The following WNK2 variants were observed in gnomAD, a reference collection of about 807,000 sequenced individuals.
WNK2 encodes the protein WNK lysine deficient protein kinase 2, also known as serine/threonine-protein kinase WNK2.
In WNK2, 67 loss-of-function variants were observed where a neutral mutation model predicts 192.1. That is an observed-to-expected ratio of 0.35 (90% CI 0.29 to 0.43). The LOEUF (loss-of-function observed/expected upper bound fraction) is 0.43. Ranked by LOEUF, WNK2 falls within the 20% of genes least tolerant of loss-of-function variation. WNK2 has a pLI of 1.00. For missense variants in WNK2, 2,698 were observed against 3,089.7 expected (o/e 0.87, Z 3.01); for synonymous variants, 1,439 against 1,393.9 (o/e 1.03, Z -0.72).
chr9:93,195,735 A>G (rs960109127), intron 2 of WNK2, among the ~76,000 whole-genome samples: 1 of 140,798 alleles, frequency 7.1e-6, no homozygotes, highest in African/African-American at 2.6e-5. Context: ...GATGTTGCTG[A>G]AAAAAAATAT....
chr9:93,235,005 A>C, intron 5 of WNK2, 40 bp downstream of exon 5: 1 of 1,611,562 alleles, frequency 6.2e-7, no homozygotes, highest in East Asian at 2.2e-5. Context: ...ATAAGGACAC[A>C]GAGGCCTTGG....
At chr9:93,291,230 G>C (rs1452154245) in intron 21 of WNK2, among the ~76,000 whole-genome samples, 8 of 152,170 alleles carry the variant, frequency 5.3e-5, no homozygotes, top group Non-Finnish European at 1.5e-5. Context: ...TGCCTGTGGC[G>C]CTCCACGGAC....
chr9:93,263,792 GT>G, intron 15 of WNK2, 58 bp downstream of exon 15: 1 of 317,566 alleles, frequency 3.1e-6, no homozygotes. Flanking sequence ...TGGGGGTGTG[GT>G]GGGGGTGGGG....
intron 2 of WNK2, among the ~76,000 whole-genome samples, chr9:93,216,118 A>G (rs1835697882): frequency 6.6e-6 from 1 of 152,174 alleles, no homozygotes; most frequent in Non-Finnish European, 1.5e-5. Context: ...GGAAGGGCTA[A>G]TCTGAAAGCC....
At chr9:93,295,819 CCTCTCCATCCTCAACTCACTTTCCTCCT>C in intron 23 of WNK2, among the ~76,000 whole-genome samples, 2 of 148,020 alleles carry the variant, frequency 1.4e-5, no homozygotes, top group Admixed American at 6.7e-5. Flanking sequence ...ACTTTCCTCC[CCTCTCCATCCTCAACTCACTTTCCTCCT>C]CTCTCCATCC....
chr9:93,244,586 G>A (rs1049030581), intron 7 of WNK2, among the ~76,000 whole-genome samples: 9 of 152,252 alleles, frequency 5.9e-5, no homozygotes, highest in African/African-American at 1.9e-4. Context: ...GCAGGAGGAC[G>A]TGGCCTTGGC....
At chr9:93,234,269 ACT>A (rs1486956811) in intron 4 of WNK2, among the ~76,000 whole-genome samples, 1 of 152,200 alleles carries the variant, frequency 6.6e-6, no homozygotes, top group African/African-American at 2.4e-5. Flanking sequence ...ATTCAGGGAC[ACT>A]GTCTTCAGTG....
intron 2 of WNK2, among the ~76,000 whole-genome samples, chr9:93,208,848 T>C (rs1457267492): frequency 2.1e-5 from 1 of 48,020 alleles, no homozygotes; most frequent in Admixed American, 2.4e-4. Flanking sequence ...TGTGAATGCA[T>C]GTGTCTTCCG....
At chr9:93,261,438 A>G (rs1588264040) in intron 12 of WNK2, among the ~76,000 whole-genome samples, 1 of 152,168 alleles carries the variant, frequency 6.6e-6, no homozygotes, top group South Asian at 2.1e-4. Context: ...GGCCCTATGC[A>G]CACTCTGACC....
At chr9:93,203,346 G>A (rs754188261) in intron 2 of WNK2, among the ~76,000 whole-genome samples, 6 of 151,934 alleles carry the variant, frequency 3.9e-5, no homozygotes, top group Non-Finnish European at 7.4e-5. Flanking sequence ...GGTGGTAGCA[G>A]AGGATGCAGA....
Position 93,231,215 on chromosome 9 carries a change from T to C in WNK2, c.1075+107T>C, listed in dbSNP as rs56273519. 10,902 of 1,118,940 alleles carry C rather than the reference T, an allele frequency of 9.7e-3. 99 individuals carry two copies. The highest frequency in any genetic ancestry group is 0.01 in the Non-Finnish European group (7,979 of 761,666). The allele number at this position is 1,118,940 out of a possible 1,614,324, so 69.3% of individuals were successfully genotyped here. A position where few individuals can be genotyped will look rare whatever the true frequency, so the allele number is the denominator to read the frequency against. ...TTCAGACCTGGTGCAGGAGACCCAG[T>C]GGGAGGAGCGTCTGGGCACGGGAGC... On this transcript the variant is annotated intron_variant, in intron 4 of 29. Transcript: ENST00000427277.
Position 93,185,250 on chromosome 9 carries a change from C to T in WNK2, c.321C>T (p.Ala107=). ...APAALVAQPG[A]PGAPADAGPE... is the part of the protein sequence containing the mutation. Reference sequence around the variant, plus strand: ...CAGCGCTGGTAGCGCAGCCGGGAGCCCCCGGAGCCCCCGCGGACGCCGGCC... The same window carrying T: ...CAGCGCTGGTAGCGCAGCCGGGAGCTCCCGGAGCCCCCGCGGACGCCGGCC... Residue 107 remains alanine, a synonymous_variant, in exon 2 of 30, where the codon GCC becomes GCT. Coordinates refer to ENST00000427277, the MANE Select transcript of WNK2 (RefSeq NM_006648.4). 1.6e-6 allele frequency: 2 copies of T among 1,248,560 alleles called. No homozygotes were observed. Among genetic ancestry groups the T allele is most frequent in the African/African-American group, 1.6e-5 (1 of 63,362 alleles). 77.3% of individuals were successfully genotyped at this position (1,248,560 alleles called of 1,614,324 possible). A position where few individuals can be genotyped will look rare whatever the true frequency, so the allele number is the denominator to read the frequency against.
chr9:93,221,983 A>G (rs1043058965), intron 2 of WNK2, among the ~76,000 whole-genome samples: 1 of 152,198 alleles, frequency 6.6e-6, no homozygotes, highest in African/African-American at 2.4e-5. Flanking sequence ...GGCATCTTTT[A>G]CAACTGTTTG....
chr9:93,271,829 C>G (rs1455406612), intron 19 of WNK2, among the ~76,000 whole-genome samples: 3 of 152,106 alleles, frequency 2.0e-5, no homozygotes, highest in Non-Finnish European at 2.9e-5. Context: ...TAAGCAGACC[C>G]CAAATAGGTT....
chr9:93,267,784 G>A lies in WNK2; in HGVS notation c.3735G>A (p.Thr1245=), dbSNP rs1588312085. 1.2e-6 allele frequency: 2 copies of A among 1,609,918 alleles called. No homozygotes were observed. The highest frequency in any genetic ancestry group is 1.7e-5 in the Admixed American group (1 of 59,492). Residue 1245 remains threonine, a synonymous_variant, in exon 17 of 30, where the codon ACG becomes ACA. Coordinates refer to ENST00000427277, the MANE Select transcript of WNK2 (RefSeq NM_006648.4). The part of the protein sequence containing the change: ...HDFILQAERE[T]FIEQMKDVMD... ...TTATCCTGCAGGCCGAGCGGGAAAC[G>A]TTCATCGAGCAGATGAAGGATGTCA...
intron 19 of WNK2, among the ~76,000 whole-genome samples, chr9:93,271,174 A>T (rs1845953649): frequency 6.6e-6 from 1 of 152,218 alleles, no homozygotes; most frequent in African/African-American, 2.4e-5. Context: ...TGAGATTAGT[A>T]CTGGGAAGGC....
At position 93,229,946 on chromosome 9, in the gene WNK2, G is replaced by T; in HGVS notation, c.854+78G>T. 6.5e-7 allele frequency: 1 copy of T among 1,533,468 alleles called. No individual in the cohort carries two copies. The highest frequency in any genetic ancestry group is 8.8e-7 in the Non-Finnish European group (1 of 1,137,444). 95.0% of individuals were successfully genotyped at this position (1,533,468 alleles called of 1,614,324 possible). Reference sequence around the variant, plus strand: ...ACCATAGCTGAGGGTGAGGTCTTGGGCTGCTGGGGTGGTCCTGGCTGGTGC... The same window carrying T: ...ACCATAGCTGAGGGTGAGGTCTTGGTCTGCTGGGGTGGTCCTGGCTGGTGC... On this transcript the variant is annotated intron_variant, in intron 3 of 29. Coordinates refer to ENST00000427277, the MANE Select transcript of WNK2 (RefSeq NM_006648.4). This position sits in a 1 kb window ranked among gnomAD's most constrained non-coding sequence, Gnocchi z 4.9.
intron 2 of WNK2, among the ~76,000 whole-genome samples, chr9:93,211,028 A>G (rs930227807): frequency 1.3e-5 from 2 of 149,582 alleles, no homozygotes; most frequent in African/African-American, 4.9e-5. Context: ...TTCACTCACT[A>G]TACATTCACT....
Position 93,184,992 on chromosome 9 carries a change from G to T in WNK2, c.63G>T (p.Ala21=). Residue 21 remains alanine, a synonymous_variant, in exon 2 of 30, where the codon GCG becomes GCT. Transcript: ENST00000427277. ...PGTLMEPGRG[A]GPAGMAEPRA... Reference sequence around the variant, plus strand: ...CGCTGATGGAGCCCGGGCGCGGCGCGGGGCCCGCGGGCATGGCGGAGCCTC... The same window carrying T: ...CGCTGATGGAGCCCGGGCGCGGCGCTGGGCCCGCGGGCATGGCGGAGCCTC... 3 of 1,240,840 alleles carry T rather than the reference G, an allele frequency of 2.4e-6. No individual in the cohort carries two copies. The highest frequency in any genetic ancestry group is 3.7e-5 in the South Asian group (1 of 27,256). The allele number at this position is 1,240,840 out of a possible 1,614,324, so 76.9% of individuals were successfully genotyped here.
Sources: allele counts gnomAD v4.1 joint callset (sites outside exome capture counted in the v4.1 genomes callset), GRCh38; gene constraint gnomAD v4.1.1; non-coding constraint Gnocchi (gnomAD v3.1); transcripts MANE v1.5; gene names NCBI Gene and HGNC (gene_info 2026-07-23, HGNC 2026-07-21).